Variants in LIPC observed in about 807,000 individuals in gnomAD.
The protein encoded by LIPC is lipase C, hepatic type, also known as hepatic triacylglycerol lipase.
LIPC carries 44 observed loss-of-function variants against 50.7 expected under a neutral mutation model. The observed-to-expected ratio is 0.87, with a 90% CI of 0.68 to 1.11. The LOEUF (loss-of-function observed/expected upper bound fraction) is 1.11, where lower values mean the gene tolerates loss of function less well. Ranked by LOEUF, LIPC falls within the 50% of genes most tolerant of loss-of-function variation. The pLI is 0.00. For synonymous variants in LIPC, 271 were observed against 256.4 expected (o/e 1.06, Z -0.54); for missense variants, 697 against 648.2 (o/e 1.08, Z -0.82).
At chr15:58,561,720 T>C (rs1161903915) in intron 7 of LIPC, among the ~76,000 whole-genome samples, 2 of 152,228 alleles carry the variant, frequency 1.3e-5, no homozygotes, top group African/African-American at 4.8e-5. Flanking sequence ...GCCTGCTGTC[T>C]GTCATGTGAT....
chr15:58,549,846 C>G (rs1375080098), intron 6 of LIPC, among the ~76,000 whole-genome samples: 3 of 152,156 alleles, frequency 2.0e-5, no homozygotes, highest in Admixed American at 2.0e-4. Context: ...GATGGCAGCA[C>G]GCAGGTGAGG....
intron 1 of LIPC, among the ~76,000 whole-genome samples, chr15:58,471,335 G>GGC (rs1555399303): frequency 0.031 from 4,413 of 141,146 alleles, 317 homozygotes; most frequent in African/African-American, 0.11. Flanking sequence ...AGATGGGGGG[G>GGC]GGTGGTCTCA....
chr15:58,492,772 C>T (rs571540854), intron 1 of LIPC, among the ~76,000 whole-genome samples: 1 of 152,200 alleles, frequency 6.6e-6, no homozygotes, highest in Non-Finnish European at 1.5e-5. Context: ...CACTCACCCC[C>T]CTCCTTAAAC....
intron 5 of LIPC, 22 bp downstream of exon 5, chr15:58,545,997 G>A (rs200831889): frequency 2.5e-5 from 39 of 1,565,576 alleles, no homozygotes; most frequent in African/African-American, 2.4e-4. Flanking sequence ...GTCATGGGCC[G>A]GGAGCACCGG....
intron 1 of LIPC, among the ~76,000 whole-genome samples, chr15:58,433,402 G>A (rs547409321): frequency 2.6e-5 from 4 of 152,282 alleles, no homozygotes; most frequent in East Asian, 1.9e-4. Flanking sequence ...TGCCCCTTGA[G>A]CCTTAACATA....
intron 1 of LIPC, among the ~76,000 whole-genome samples, chr15:58,442,430 T>C (rs1468182553): frequency 1.3e-5 from 2 of 152,218 alleles, no homozygotes; most frequent in Non-Finnish European, 2.9e-5. Flanking sequence ...CAATGACCCT[T>C]ATGCCATTTC....
chr15:58,492,595 C>T (rs1186331464), intron 1 of LIPC, among the ~76,000 whole-genome samples: 1 of 152,150 alleles, frequency 6.6e-6, no homozygotes, highest in East Asian at 1.9e-4. Flanking sequence ...CACTCAGGCC[C>T]ATTCTTTTAG....
chr15:58,541,091 G>A (rs959272932), intron 2 of LIPC, among the ~76,000 whole-genome samples: 5 of 152,030 alleles, frequency 3.3e-5, no homozygotes, highest in African/African-American at 1.2e-4. Flanking sequence ...ATGAGCCACC[G>A]CGCCCAGCCC....
chr15:58,544,101 T>C (rs1893436191), intron 4 of LIPC, among the ~76,000 whole-genome samples: 1 of 152,212 alleles, frequency 6.6e-6, no homozygotes, highest in Admixed American at 6.5e-5. Context: ...GGAAGCCTGG[T>C]CACAGACCGG....
intron 1 of LIPC, among the ~76,000 whole-genome samples, chr15:58,527,700 G>A (rs899394389): frequency 1.3e-5 from 2 of 152,198 alleles, no homozygotes; most frequent in Admixed American, 1.3e-4. Flanking sequence ...AGCATGGTCT[G>A]TCTTATTCAC....
intron 6 of LIPC, 73 bp from the exon 7 acceptor site, chr15:58,560,791 A>G: frequency 1.4e-6 from 1 of 731,194 alleles, no homozygotes; most frequent in Non-Finnish European, 2.5e-6. Context: ...AAATTTTAAG[A>G]AATAAGAGAT....
intron 1 of LIPC, among the ~76,000 whole-genome samples, chr15:58,446,348 C>T (rs1441535619): frequency 1.3e-5 from 2 of 152,168 alleles, no homozygotes; most frequent in Non-Finnish European, 2.9e-5. Flanking sequence ...ATGAATGCCT[C>T]TTACTAAGGA....
chr15:58,493,306 G>C (rs1891647590), intron 1 of LIPC, among the ~76,000 whole-genome samples: 1 of 152,128 alleles, frequency 6.6e-6, no homozygotes. Context: ...TGGACTAGCA[G>C]CTGGTGCTGT....
At chr15:58,447,814 A>G (rs1388061902) in intron 1 of LIPC, among the ~76,000 whole-genome samples, 2 of 152,220 alleles carry the variant, frequency 1.3e-5, no homozygotes, top group African/African-American at 2.4e-5. Flanking sequence ...GCGAAGTTCT[A>G]AAGGTCACAA....
At chr15:58,432,960 G>A (rs1478204417) in intron 1 of LIPC, among the ~76,000 whole-genome samples, 6 of 152,142 alleles carry the variant, frequency 3.9e-5, no homozygotes, top group Non-Finnish European at 5.9e-5. Flanking sequence ...ATTCCCTAAC[G>A]GGATGTACCT....
chr15:58,439,538 G>A (rs1213000594), intron 1 of LIPC, among the ~76,000 whole-genome samples: 3 of 152,174 alleles, frequency 2.0e-5, no homozygotes, highest in Admixed American at 6.5e-5. Flanking sequence ...CTGCCTCCCG[G>A]GTTCAAGCAG....
At chr15:58,525,683 G>C (rs1892779608) in intron 1 of LIPC, among the ~76,000 whole-genome samples, 1 of 151,728 alleles carries the variant, frequency 6.6e-6, no homozygotes, top group Non-Finnish European at 1.5e-5. Context: ...TGGAGGTTTG[G>C]ACTTTGCCCT....
chr15:58,530,711 A>G (rs1892935923), intron 1 of LIPC, among the ~76,000 whole-genome samples: 1 of 152,194 alleles, frequency 6.6e-6, no homozygotes, highest in Non-Finnish European at 1.5e-5. Flanking sequence ...TCTGCTCTCA[A>G]TCACAATAGC....
intron 1 of LIPC, among the ~76,000 whole-genome samples, chr15:58,506,634 G>A (rs16940388): frequency 0.025 from 3,851 of 152,272 alleles, 128 homozygotes; most frequent in African/African-American, 0.079. Flanking sequence ...AGACTGCTGA[G>A]AGGCTCCCCT....
Sources: allele counts gnomAD v4.1 joint callset (sites outside exome capture counted in the v4.1 genomes callset), GRCh38; gene constraint gnomAD v4.1.1; transcripts MANE v1.5; gene names NCBI Gene and HGNC (gene_info 2026-07-23, HGNC 2026-07-21).